Variants in FGD6 observed in about 807,000 individuals in gnomAD.
FGD6 encodes FYVE, RhoGEF and PH domain-containing protein 6.
A neutral mutation model predicts 149.4 loss-of-function variants in FGD6; 90 were observed. That is an observed-to-expected ratio of 0.60 (90% CI 0.51 to 0.72). The LOEUF is 0.72. Ranked by LOEUF, FGD6 falls within the 30% of genes least tolerant of loss-of-function variation. The probability of loss-of-function intolerance (pLI) is 0.00; values close to 1 mark genes in which losing one functional copy is unlikely to be tolerated. For missense variants in FGD6, 1,437 were observed against 1,684.8 expected (o/e 0.85, Z 2.57); for synonymous variants, 527 against 584.0 (o/e 0.90, Z 1.41).
chr12:95,210,505 C>G lies in FGD6; in HGVS notation c.779G>C (p.Ser260Thr). ...CEHFETCQDD[S>T]EKSNNCFQSS... ...CTGAAAGCAATTATTGCTTTTTTCA[C>G]TGTCATCCTGGCAAGTTTCAAAATG... The change falls in exon 2 of 21, where the codon AGT becomes ACT. Residue 260 changes from serine (S) to threonine (T), a missense_variant. Coordinates refer to ENST00000343958, the MANE Select transcript of FGD6 (RefSeq NM_018351.4). 6.2e-7 allele frequency: 1 copy of G among 1,613,532 alleles called. No individual in the cohort carries two copies. Among genetic ancestry groups the G allele is most frequent in the South Asian group, 1.1e-5 (1 of 90,896 alleles).
chr12:95,217,390 C>G lies in FGD6; in HGVS notation c.-150G>C. ...CCCGCGGCGCAGCCTGAGCGCCACACAAAGGACGCGGCCGACTCTAGCGAC... is the reference window on the plus strand; with the variant it reads ...CCCGCGGCGCAGCCTGAGCGCCACAGAAAGGACGCGGCCGACTCTAGCGAC... On this transcript the variant is annotated 5_prime_UTR_variant, in exon 1 of 21. Transcript: ENST00000343958. 7.9e-7 allele frequency: 1 copy of G among 1,272,456 alleles called. No homozygotes were observed. Among genetic ancestry groups the G allele is most frequent in the Non-Finnish European group, 1.0e-6 (1 of 965,138 alleles). The allele number at this position is 1,272,456 out of a possible 1,614,324, so 78.8% of individuals were successfully genotyped here.
intron 15 of FGD6, among the ~76,000 whole-genome samples, chr12:95,093,275 T>C (rs947427162): frequency 1.3e-5 from 2 of 151,804 alleles, no homozygotes; most frequent in South Asian, 2.1e-4. Flanking sequence ...TGGCTGGGCA[T>C]GGTGGCTCAC....
At chr12:95,172,417 G>T (rs966587909) in intron 3 of FGD6, among the ~76,000 whole-genome samples, 183 bp downstream of exon 3, 2 of 152,156 alleles carry the variant, frequency 1.3e-5, no homozygotes, top group Non-Finnish European at 2.9e-5. Flanking sequence ...ATCTCTAAGT[G>T]ATACATACTT....
At chr12:95,090,021 ATTG>A (rs1565892701) in intron 17 of FGD6, among the ~76,000 whole-genome samples, 2 of 152,174 alleles carry the variant, frequency 1.3e-5, no homozygotes, top group Non-Finnish European at 2.9e-5. Flanking sequence ...GAACCCTGGT[ATTG>A]TTAAGTGTCT....
At position 95,125,151 on chromosome 12, in the gene FGD6, G is replaced by A. The variant is rs146952851; in HGVS notation, c.3082+9588C>T. ...GCTCATAGGCTATATCAGACTGCCA[G>A]AAGAATCTAGGCACAAAAAAATTTA... On this transcript the variant is annotated intron_variant, in intron 8 of 20. Coordinates refer to ENST00000343958, the MANE Select transcript of FGD6 (RefSeq NM_018351.4). Among the ~76,000 whole-genome samples, 117 of 152,178 alleles carry A rather than the reference G, an allele frequency of 7.7e-4. 1 individual carries two copies. Among genetic ancestry groups the A allele is most frequent in the African/African-American group, 2.7e-3 (113 of 41,514 alleles).
At chr12:95,138,566 A>C (rs987898884) in intron 6 of FGD6, among the ~76,000 whole-genome samples, 2 of 151,908 alleles carry the variant, frequency 1.3e-5, no homozygotes, top group Non-Finnish European at 2.9e-5. Flanking sequence ...AAAAAAAAAA[A>C]AAAACTTCTT....
chr12:95,127,862 G>A (rs773240675), intron 8 of FGD6, among the ~76,000 whole-genome samples: 11 of 152,080 alleles, frequency 7.2e-5, no homozygotes, highest in Non-Finnish European at 1.2e-4. Context: ...CTACATAAGT[G>A]GAAAAGACTT....
chr12:95,213,321 G>A (rs2056737200), intron 1 of FGD6, among the ~76,000 whole-genome samples: 3 of 152,174 alleles, frequency 2.0e-5, no homozygotes, highest in Admixed American at 2.0e-4. Flanking sequence ...GCTCATGCCT[G>A]TAATCCCAGC....
In FGD6 at chr12:95,217,311, A is replaced by G. The variant is rs1380116433; in HGVS notation, c.-71T>C. ...CTTCCCCTTTCAGTCCATTGTTCCC[A>G]CAGTTCGGGTAGGAGAGAAAAGCCC... is the stretch of plus-strand genomic sequence containing the variant. On this transcript the variant is annotated 5_prime_UTR_variant, in exon 1 of 21. Transcript: ENST00000343958. The G allele has an allele frequency of 5.2e-6, 8 of 1,546,264 alleles. No individual in the cohort carries two copies. In the East Asian group the frequency reaches 1.5e-4, roughly 29 times the overall value.
chr12:95,084,607 T>C lies in FGD6; in HGVS notation c.4147A>G (p.Thr1383Ala). 6.2e-7 allele frequency: 1 copy of C among 1,605,638 alleles called. No individual in the cohort carries two copies. The highest frequency in any genetic ancestry group is 8.5e-7 in the Non-Finnish European group (1 of 1,177,540). ...ALESQPLLGF[T>A]VIQVKDENSE... ...TTCTCATCTTTAACTTGAATAACAG[T>C]GAATCCTAATAAAGGCTGACTCTCC... Residue 1383 changes from threonine (T) to alanine (A), a missense_variant, in exon 20 of 21, where the codon ACT becomes GCT. Physicochemically the swap from Thr to Ala is moderately conservative, Grantham distance 58 (BLOSUM62 0). Around this residue, in one of 2 missense-constraint regions of FGD6, gnomAD observed 382 missense variants for 538.7 expected, o/e 0.71. Transcript: ENST00000343958.
At position 95,080,769 on chromosome 12, in the gene FGD6, T is replaced by G. The variant is rs1160788236; in HGVS notation, c.*751A>C. The G allele has an allele frequency of 6.6e-6, 1 of 152,208 alleles. No homozygotes were observed. Among genetic ancestry groups the G allele is most frequent in the Non-Finnish European group, 1.5e-5 (1 of 68,030 alleles). 9.4% of individuals were successfully genotyped at this position (152,208 alleles called of 1,614,324 possible). A position where few individuals can be genotyped will look rare whatever the true frequency, so the allele number is the denominator to read the frequency against. ...TTATGTTTGTTTCGAAGTGGTAGAT[T>G]TTTTAAAAGATTGGACTTAAAAGCC... On this transcript the variant is annotated 3_prime_UTR_variant, in exon 21 of 21. Coordinates refer to ENST00000343958, the MANE Select transcript of FGD6 (RefSeq NM_018351.4).
chr12:95,136,677 T>A lies in FGD6; in HGVS notation c.2994+845A>T, dbSNP rs534486190. ...AGGGAAATATAAATTCTATTTCCCA[T>A]CCATCATTGTAAGTTAATTGTTAGG... On this transcript the variant is annotated intron_variant, in intron 7 of 20. Transcript: ENST00000343958. Among the ~76,000 whole-genome samples, 16 of 152,356 alleles carry A rather than the reference T, an allele frequency of 1.1e-4. No individual in the cohort carries two copies. In the East Asian group the frequency reaches 2.9e-3, roughly 28 times the overall value.
In FGD6 at chr12:95,209,267, C is replaced by T. The variant is rs139422845; in HGVS notation, c.2017G>A (p.Asp673Asn). ...TCTCCTACCAACAAGCCTTGCCAAT[C>T]ACTTTCAATCCCCTTCTGCTCCCCA... ...SSGEQKGIES[D>N]WQGLLVGEEK... Residue 673 changes from aspartate (D) to asparagine (N), a missense_variant, in exon 2 of 21, where the codon GAT becomes AAT. Physicochemically the swap from Asp to Asn is conservative, Grantham distance 23 (BLOSUM62 1). Coordinates refer to ENST00000343958, the MANE Select transcript of FGD6 (RefSeq NM_018351.4). The T allele has an allele frequency of 1.1e-5, 17 of 1,614,186 alleles. No individual in the cohort carries two copies. The highest frequency in any genetic ancestry group is 1.4e-5 in the Non-Finnish European group (16 of 1,180,034).
intron 1 of FGD6, among the ~76,000 whole-genome samples, chr12:95,212,718 G>T (rs544262237): frequency 6.1e-4 from 93 of 152,222 alleles, no homozygotes; most frequent in Middle Eastern, 3.4e-3. Context: ...AATAGACAGG[G>T]GCTCTGATAT....
At chr12:95,184,996 C>T (rs917056607) in intron 2 of FGD6, among the ~76,000 whole-genome samples, 5 of 152,128 alleles carry the variant, frequency 3.3e-5, no homozygotes, top group African/African-American at 1.2e-4. Context: ...GCCTCAGCCT[C>T]ACAAGGAGCT....
rs1880173949 is a variant in FGD6 at position 95,149,154 on chromosome 12, T to TATATAGCATATATTATATATTATATAAC, written c.2685+3656_2685+3657insGTTATATAATATATAATATATGCTATAT. Among the ~76,000 whole-genome samples the TATATAGCATATATTATATATTATATAAC allele has an allele frequency of 1.0e-4, 2 of 19,562 alleles. 1 individual carries two copies. Among genetic ancestry groups the TATATAGCATATATTATATATTATATAAC allele is most frequent in the Non-Finnish European group, 1.3e-4 (2 of 15,544 alleles). The allele number at this position is 19,562 out of a possible 152,430, so 12.8% of individuals were successfully genotyped here. A position where few individuals can be genotyped will look rare whatever the true frequency, so the allele number is the denominator to read the frequency against. On this transcript the variant is annotated intron_variant, in intron 5 of 20. Transcript: ENST00000343958. ...ATAGCATATATTATATATTATATAA[T>TATATAGCATATATTATATATTATATAAC]ATATAGCATATATAATATTATATAT...
chr12:95,168,532 G>A (rs754197847), intron 3 of FGD6, among the ~76,000 whole-genome samples: 19 of 151,988 alleles, frequency 1.3e-4, no homozygotes, highest in Admixed American at 2.0e-4. Flanking sequence ...GTGTAGTGGC[G>A]CATGCCTGTA....
At chr12:95,105,742 G>A (rs1358708491) in intron 13 of FGD6, among the ~76,000 whole-genome samples, 1 of 152,180 alleles carries the variant, frequency 6.6e-6, no homozygotes, top group Non-Finnish European at 1.5e-5. Context: ...TGCATAAACA[G>A]GCAGGGCGCA....
chr12:95,094,680 CT>C lies in FGD6; in HGVS notation c.3511del (p.Arg1171GlyfsTer5). The C allele has an allele frequency of 6.2e-7, 1 of 1,613,368 alleles. No individual in the cohort carries two copies. Among genetic ancestry groups the C allele is most frequent in the Non-Finnish European group, 8.5e-7 (1 of 1,179,738 alleles). Reference protein sequence around the residue: ...FILSASSATERDEWLEAISRA... With the variant: ...FILSASSATEXDEWLEAISRA... ...GGAAATCGCTTCTAGCCATTCATCC[CT>C]TTCTGTGGCAGAACTGTTGGGGGCA... On this transcript the variant is annotated frameshift_variant, in exon 15 of 21. Transcript: ENST00000343958. LOFTEE classifies it high-confidence loss of function.
Sources: allele counts gnomAD v4.1 joint callset (sites outside exome capture counted in the v4.1 genomes callset), GRCh38; gene constraint gnomAD v4.1.1; regional missense constraint gnomAD v4.1.1; transcripts MANE v1.5; gene names NCBI Gene and HGNC (gene_info 2026-07-23, HGNC 2026-07-21).